PCDHA3: variants seen among roughly 807,000 people sequenced by gnomAD.
PCDHA3 encodes the protein protocadherin alpha 3.
PCDHA3 carries 41 observed loss-of-function variants against 62.2 expected under a neutral mutation model. That is an observed-to-expected ratio of 0.66 (90% CI 0.51 to 0.86). The LOEUF is 0.86. Among genes scored for constraint, PCDHA3 ranks in the 40% least tolerant of loss-of-function variants. The probability of loss-of-function intolerance (pLI) is 0.00; values close to 1 mark genes in which losing one functional copy is unlikely to be tolerated. For synonymous variants in PCDHA3, 640 were observed against 555.4 expected, an observed-to-expected ratio of 1.15 and a Z score of -2.14; for missense variants, 1,304 against 1,241.2, an observed-to-expected ratio of 1.05 and a Z score of -0.76.
chr5:140,805,152 T>C, intron 1 of PCDHA3: 1 of 1,561,178 alleles, frequency 6.4e-7, no homozygotes, highest in Non-Finnish European at 8.6e-7. Context: ...TTTGGAATTT[T>C]CACTTCACAG....
intron 1 of PCDHA3, among the ~76,000 whole-genome samples, chr5:140,920,075 G>T (rs190821804): frequency 6.6e-6 from 1 of 152,316 alleles, no homozygotes; most frequent in Admixed American, 6.5e-5. Flanking sequence ...GGCAGAAACA[G>T]ATTCTCCGTA....
intron 3 of PCDHA3, among the ~76,000 whole-genome samples, chr5:141,008,708 T>G (rs1197464501): frequency 1.3e-5 from 2 of 152,210 alleles, no homozygotes; most frequent in African/African-American, 4.8e-5. Flanking sequence ...GGTTTCTAGT[T>G]GCTTGAGTGT....
rs371795952 is a variant in PCDHA3 at position 140,857,797 on chromosome 5, G to T, written c.2394+54206G>T. ...CAGTCAGTGAGCTGGTGCTGCGGTC[G>T]GTGGTTGCGGGTCACGTGGTGGCTA... On this transcript the variant is annotated intron_variant, in intron 1 of 3. Transcript: ENST00000522353. 12 of 1,597,706 alleles carry T rather than the reference G, an allele frequency of 7.5e-6. 1 individual carries two copies. In the East Asian group the frequency reaches 1.6e-4, roughly 21 times the overall value.
intron 1 of PCDHA3, chr5:140,870,676 G>A (rs561705674): frequency 1.9e-6 from 3 of 1,612,702 alleles, no homozygotes; most frequent in African/African-American, 1.3e-5. Flanking sequence ...GTTGGACCAC[G>A]AGGAGCTGGA....
At chr5:140,919,387 G>A (rs180927321) in intron 1 of PCDHA3, among the ~76,000 whole-genome samples, 420 of 152,292 alleles carry the variant, frequency 2.8e-3, no homozygotes, top group Middle Eastern at 6.8e-3. Context: ...ATAGTTGGAT[G>A]TTGTTTTCCT....
intron 1 of PCDHA3, chr5:140,834,910 A>G (rs1379120626): frequency 6.3e-7 from 1 of 1,595,988 alleles, no homozygotes; most frequent in Non-Finnish European, 8.5e-7. Flanking sequence ...AGCCCCAATG[A>G]GTATTTCTTC....
chr5:140,828,573 A>T (rs1769832342), intron 1 of PCDHA3: 4 of 1,614,248 alleles, frequency 2.5e-6, no homozygotes, highest in Non-Finnish European at 3.4e-6. Context: ...TCCGATGCAG[A>T]TGTTGGCTCA....
At chr5:140,835,817 G>C (rs2150245565) in intron 1 of PCDHA3, 1 of 1,612,752 alleles carries the variant, frequency 6.2e-7, no homozygotes, top group Non-Finnish European at 8.5e-7. Flanking sequence ...TCACTGTGTC[G>C]GCGGGGGACG....
At chr5:140,955,130 T>A (rs1173088504) in intron 1 of PCDHA3, among the ~76,000 whole-genome samples, 1 of 152,228 alleles carries the variant, frequency 6.6e-6, no homozygotes, top group African/African-American at 2.4e-5. Context: ...TCCACTGGTC[T>A]ACACGTCTGT....
At chr5:140,879,740 T>C (rs1337276853) in intron 1 of PCDHA3, among the ~76,000 whole-genome samples, 5 of 152,200 alleles carry the variant, frequency 3.3e-5, no homozygotes, top group Admixed American at 1.3e-4. Flanking sequence ...ATCAAGGTGT[T>C]GTCAAGGCTA....
In PCDHA3 at chr5:140,803,283, G is replaced by A. The variant is rs782799500; in HGVS notation, c.2086G>A (p.Val696Ile). 8 of 1,613,924 alleles carry A rather than the reference G, an allele frequency of 5.0e-6. No homozygotes were observed. The highest frequency in any genetic ancestry group is 6.8e-6 in the Non-Finnish European group (8 of 1,179,988). The change falls in exon 1 of 4, where the codon GTC becomes ATC. Residue 696 changes from valine (V) to isoleucine (I), a missense_variant. Transcript: ENST00000522353. ...ATGPEAALVD[V>I]NVYLIVAICA... ...GGGCCCGGAAGCTGCACTGGTGGAT[G>A]TCAACGTGTACTTGATCGTCGCCAT...
chr5:140,876,977 A>C (rs782413550), intron 1 of PCDHA3: 12 of 1,612,554 alleles, frequency 7.4e-6, no homozygotes, highest in Non-Finnish European at 1.0e-5. Context: ...GTGGGCGAGC[A>C]CGCACTGTCG....
chr5:140,871,692 C>T, intron 1 of PCDHA3: 1 of 997,192 alleles, frequency 1.0e-6, no homozygotes, highest in Non-Finnish European at 1.4e-6. Flanking sequence ...AATCTGGCTT[C>T]TTTAACCAAT....
At chr5:140,895,843 C>G (rs574376494) in intron 1 of PCDHA3, among the ~76,000 whole-genome samples, 1 of 152,232 alleles carries the variant, frequency 6.6e-6, no homozygotes, top group East Asian at 1.9e-4. Context: ...CAAAGTCTCA[C>G]TCTTGTACCC....
intron 1 of PCDHA3, among the ~76,000 whole-genome samples, chr5:140,923,708 T>C (rs1554201570): frequency 1.3e-5 from 2 of 152,216 alleles, no homozygotes; most frequent in Non-Finnish European, 2.9e-5. Context: ...CCAATTTACT[T>C]GAATAAGAAT....
chr5:140,863,212 C>A, intron 1 of PCDHA3: 1 of 1,051,288 alleles, frequency 9.5e-7, no homozygotes, highest in Non-Finnish European at 1.4e-6. Flanking sequence ...GGAGAGCAGC[C>A]AAGCGAGGAA....
chr5:140,809,372 G>A, intron 1 of PCDHA3: 2 of 1,614,010 alleles, frequency 1.2e-6, no homozygotes, highest in Non-Finnish European at 1.7e-6. Flanking sequence ...GCTGCCCACC[G>A]AGGGCGCGTG....
At chr5:141,005,436 G>T (rs1554260042) in intron 3 of PCDHA3, among the ~76,000 whole-genome samples, 2 of 152,080 alleles carry the variant, frequency 1.3e-5, no homozygotes, top group East Asian at 1.9e-4. Flanking sequence ...TGGATGAGAG[G>T]CTCACGCCTG....
rs782564165 is a variant in PCDHA3, at chr5:141,010,450, G to A, written c.*513G>A. ...AAGAAAACAAAGACAAATAAACAGC[G>A]GAAGTTATCAGTATGGAGGGGAAGT... On this transcript the variant is annotated 3_prime_UTR_variant, in exon 4 of 4. Transcript: ENST00000522353. The A allele has an allele frequency of 6.5e-6, 6 of 920,764 alleles. No individual in the cohort carries two copies. The East Asian group carries it at 8.2e-5, about 13-fold the overall frequency. 57.0% of individuals were successfully genotyped at this position (920,764 alleles called of 1,614,324 possible).
Sources: gnomAD v4.1 joint callset for allele counts (sites outside exome capture counted in the v4.1 genomes callset) on GRCh38, gnomAD v4.1.1 for gene constraint, MANE v1.5 for transcripts, NCBI Gene and HGNC (gene_info 2026-07-23, HGNC 2026-07-21) for gene names.